CNBD1: variants seen among roughly 807,000 people sequenced by gnomAD.
CNBD1 encodes cyclic nucleotide-binding domain-containing protein 1.
CNBD1 carries 71 observed loss-of-function variants against 54.4 expected under a neutral mutation model. The observed-to-expected ratio is 1.30, with a 90% confidence interval of 1.08 to 1.59. The LOEUF is 1.59. Among genes scored for constraint, CNBD1 ranks in the 40% most tolerant of loss-of-function variants. CNBD1 has a pLI of 0.00. For missense variants in CNBD1, 659 were observed against 518.0 expected (o/e 1.27, Z -2.64); for synonymous variants, 182 against 170.7 (o/e 1.07, Z -0.51).
At chr8:87,425,340 A>G (rs2130996576) in intron 2 of CNBD1, among the ~76,000 whole-genome samples, 1 of 152,294 alleles carries the variant, frequency 6.6e-6, no homozygotes, top group Middle Eastern at 3.4e-3. Flanking sequence ...TTCTCCGTCC[A>G]GCTTTGTTCC....
chr8:87,382,523 C>G, intron 10 of CNBD1, 97 bp from the exon 11 acceptor site: 1 of 911,326 alleles, frequency 1.1e-6, no homozygotes, highest in Non-Finnish European at 1.7e-6. Flanking sequence ...CCCTCTGACT[C>G]AGCAATGTAA....
At chr8:87,188,393 T>C (rs949105620) in intron 4 of CNBD1, among the ~76,000 whole-genome samples, 2 of 152,138 alleles carry the variant, frequency 1.3e-5, no homozygotes, top group African/African-American at 4.8e-5. Context: ...GTTTGGATTA[T>C]TACCTGAAAA....
intron 3 of CNBD1, among the ~76,000 whole-genome samples, chr8:86,930,620 A>C (rs937969456): frequency 3.9e-5 from 6 of 152,148 alleles, no homozygotes; most frequent in Admixed American, 6.5e-5. Flanking sequence ...GGTCCAGAAC[A>C]GTGAACCATT....
At chr8:87,266,118 C>G (rs1046665069) in intron 6 of CNBD1, among the ~76,000 whole-genome samples, 11 of 151,702 alleles carry the variant, frequency 7.3e-5, no homozygotes, top group Non-Finnish European at 1.6e-4. Context: ...CATTCATGAA[C>G]AGAAACATTC....
At chr8:87,369,733 T>TTA (rs1554583758) in intron 10 of CNBD1, among the ~76,000 whole-genome samples, 6 of 151,394 alleles carry the variant, frequency 4.0e-5, no homozygotes, top group Admixed American at 2.6e-4. Flanking sequence ...TTCTTTTTTT[T>TTA]TTATTATTAT....
chr8:87,110,170 A>T (rs1343571148), intron 4 of CNBD1, among the ~76,000 whole-genome samples: 2 of 152,170 alleles, frequency 1.3e-5, no homozygotes, highest in Non-Finnish European at 2.9e-5. Context: ...TGAGGCTATG[A>T]TGCAGAAACA....
At chr8:87,162,046 C>T (rs1812868753) in intron 4 of CNBD1, among the ~76,000 whole-genome samples, 1 of 151,998 alleles carries the variant, frequency 6.6e-6, no homozygotes, top group Admixed American at 6.6e-5. Context: ...TTACTCTGAA[C>T]AGGGACTCTT....
chr8:87,297,187 GA>G (rs1261856505), intron 8 of CNBD1, among the ~76,000 whole-genome samples: 7 of 143,548 alleles, frequency 4.9e-5, no homozygotes, highest in South Asian at 2.2e-4. Context: ...AAAAAAAAAG[GA>G]AAAAATTAAA....
intron 6 of CNBD1, among the ~76,000 whole-genome samples, chr8:87,255,547 AAT>A (rs1307839769): frequency 2.6e-5 from 4 of 151,986 alleles, no homozygotes; most frequent in Non-Finnish European, 5.9e-5. Context: ...AATCTATATA[AAT>A]ATAATCAGGT....
chr8:87,087,605 AGGC>A lies in CNBD1; in HGVS notation c.432-118386_432-118384del, dbSNP rs575764421. ...CAGCCTCCCGAGTAGCTGGGACTACAGGCGCCAGCCACCACGCCCGGCTATTTT... is the reference window on the plus strand; with the variant it reads ...CAGCCTCCCGAGTAGCTGGGACTACAGCCAGCCACCACGCCCGGCTATTTT... On this transcript the variant is annotated intron_variant, in intron 4 of 10. Transcript: ENST00000518476. Among the ~76,000 whole-genome samples the A allele has an allele frequency of 7.7e-3, 1,169 of 151,410 alleles. 21 individuals are homozygous for A. Among genetic ancestry groups the A allele is most frequent in the Middle Eastern group, 0.027 (8 of 292 alleles).
intron 5 of CNBD1, among the ~76,000 whole-genome samples, chr8:87,217,733 A>T (rs961374785): frequency 6.6e-6 from 1 of 152,048 alleles, no homozygotes; most frequent in Non-Finnish European, 1.5e-5. Flanking sequence ...TCTAAAGCTC[A>T]TATTATTGTT....
At chr8:87,306,487 G>A (rs1034198180) in intron 8 of CNBD1, among the ~76,000 whole-genome samples, 2 of 152,128 alleles carry the variant, frequency 1.3e-5, no homozygotes, top group Admixed American at 1.3e-4. Context: ...GCAAAATCAT[G>A]GAACCAATCC....
intron 10 of CNBD1, among the ~76,000 whole-genome samples, chr8:87,361,417 G>T (rs1481504095): frequency 1.3e-5 from 2 of 151,448 alleles, no homozygotes. Context: ...AAAGAACAGA[G>T]GAAAATGAAA....
chr8:87,379,333 G>T (rs985453791), intron 10 of CNBD1, among the ~76,000 whole-genome samples: 1 of 151,864 alleles, frequency 6.6e-6, no homozygotes, highest in Admixed American at 6.6e-5. Flanking sequence ...GAGACAGAAA[G>T]TCAACAAGGA....
intron 4 of CNBD1, among the ~76,000 whole-genome samples, chr8:87,060,944 T>G (rs369342914): frequency 3.3e-5 from 5 of 152,170 alleles, no homozygotes; most frequent in African/African-American, 4.8e-5. Context: ...CTTACTTTGG[T>G]CAAAGCCTGA....
chr8:87,163,189 T>C lies in CNBD1; in HGVS notation c.432-42804T>C, dbSNP rs1414856810. 1.3e-5 allele frequency among the ~76,000 whole-genome samples: 2 copies of C among 152,106 alleles called. No individual in the cohort carries two copies. The highest frequency in any genetic ancestry group is 4.8e-5 in the African/African-American group (2 of 41,440). On this transcript the variant is annotated intron_variant, in intron 4 of 10. Transcript: ENST00000518476. The surrounding 1 kb of genome is among the most constrained non-coding windows in gnomAD (Gnocchi z 4.5). Reference sequence around the variant, plus strand: ...AGATTGAACTAACAAATGTACAATATTTTGGTATTAATAACATCTCATTTC... The same window carrying C: ...AGATTGAACTAACAAATGTACAATACTTTGGTATTAATAACATCTCATTTC...
At chr8:87,368,296 C>G (rs1810685714) in intron 10 of CNBD1, among the ~76,000 whole-genome samples, 1 of 151,894 alleles carries the variant, frequency 6.6e-6, no homozygotes, top group Non-Finnish European at 1.5e-5. Context: ...CCCAATAAAT[C>G]TTAAGTTTTG....
rs565391177 is a variant in CNBD1, at chr8:86,959,920, G to A, written c.431+20166G>A. On this transcript the variant is annotated intron_variant, in intron 4 of 10. Coordinates refer to ENST00000518476, the MANE Select transcript of CNBD1 (RefSeq NM_173538.3). Reference sequence around the variant, plus strand: ...TGGCGAGGAGCTTTGTTCCTTTGGAGAGAAGAGGGGCTCTGATTTTCAGAA... The same window carrying A: ...TGGCGAGGAGCTTTGTTCCTTTGGAAAGAAGAGGGGCTCTGATTTTCAGAA... Among the ~76,000 whole-genome samples the A allele has an allele frequency of 3.9e-5, 6 of 152,098 alleles. No individual in the cohort carries two copies. In the South Asian group the frequency reaches 1.3e-3, roughly 32 times the overall value.
chr8:87,264,595 A>G (rs1337876223), intron 6 of CNBD1, among the ~76,000 whole-genome samples: 2 of 152,174 alleles, frequency 1.3e-5, no homozygotes, highest in Admixed American at 6.5e-5. Flanking sequence ...CAATGGTTGA[A>G]CTAGTTTACA....
Sources: gnomAD v4.1 joint callset for allele counts (sites outside exome capture counted in the v4.1 genomes callset) on GRCh38, gnomAD v4.1.1 for gene constraint, Gnocchi (gnomAD v3.1) non-coding constraint, MANE v1.5 for transcripts, NCBI Gene and HGNC (gene_info 2026-07-23, HGNC 2026-07-21) for gene names.